Variants in DIP2C observed in about 807,000 individuals in gnomAD.
DIP2C encodes the protein DIP2 acetate--CoA ligase C (putative).
DIP2C carries 33 observed loss-of-function variants against 192.4 expected under a neutral mutation model. That is an observed-to-expected ratio of 0.17 (90% CI 0.13 to 0.23). The LOEUF (loss-of-function observed/expected upper bound fraction) is 0.23, where lower values mean the gene tolerates loss of function less well. Among genes scored for constraint, DIP2C ranks in the 10% least tolerant of loss-of-function variants. The pLI is 1.00. For synonymous variants in DIP2C, 979 were observed against 864.1 expected, an observed-to-expected ratio of 1.13 and a Z score of -2.33; for missense variants, 1,537 against 2,110.1, an observed-to-expected ratio of 0.73 and a Z score of 5.32.
intron 1 of DIP2C, among the ~76,000 whole-genome samples, chr10:574,661 C>T (rs953924924): frequency 2.0e-5 from 3 of 152,218 alleles, no homozygotes; most frequent in African/African-American, 7.2e-5. Flanking sequence ...CAGCACTAAC[C>T]TTCAGCTCCC....
intron 1 of DIP2C, among the ~76,000 whole-genome samples, chr10:504,156 A>G (rs533521275): frequency 4.1e-4 from 62 of 152,312 alleles, no homozygotes; most frequent in Middle Eastern, 6.8e-3. Context: ...AAAGAGCAAT[A>G]AAGAGTATTT....
rs866182017 is a variant in DIP2C, at chr10:344,406, G to C, written c.3453+403C>G. ...GGTGGGGCGGGGGCGGGGCGGGGGGGGGTTTGCACGGCACCTCGGCAAGGG... is the reference window on the plus strand; with the variant it reads ...GGTGGGGCGGGGGCGGGGCGGGGGGCGGTTTGCACGGCACCTCGGCAAGGG... On this transcript the variant is annotated intron_variant, in intron 28 of 36. Coordinates refer to ENST00000280886, the MANE Select transcript of DIP2C (RefSeq NM_014974.3). Among the ~76,000 whole-genome samples the C allele has an allele frequency of 3.3e-5, 5 of 151,754 alleles. No individual in the cohort carries two copies. The South Asian group carries it at 1.0e-3, about 32-fold the overall frequency.
intron 1 of DIP2C, among the ~76,000 whole-genome samples, chr10:657,159 G>T (rs937076502): frequency 6.3e-4 from 93 of 147,482 alleles, no homozygotes; most frequent in East Asian, 1.6e-3. Flanking sequence ...ACCTGACGCT[G>T]GACCTGATGC....
chr10:474,294 C>T (rs1211033520), intron 2 of DIP2C, among the ~76,000 whole-genome samples: 1 of 152,212 alleles, frequency 6.6e-6, no homozygotes, highest in African/African-American at 2.4e-5. Context: ...CAGTGTGCTA[C>T]AAATACCGTT....
chr10:311,150 A>C (rs1956548920), intron 31 of DIP2C, among the ~76,000 whole-genome samples: 1 of 152,136 alleles, frequency 6.6e-6, no homozygotes, highest in Non-Finnish European at 1.5e-5. Flanking sequence ...GGACGCTCCC[A>C]GTGACAGCTC....
intron 1 of DIP2C, among the ~76,000 whole-genome samples, chr10:506,092 C>A (rs1291090482): frequency 6.6e-6 from 1 of 152,138 alleles, no homozygotes; most frequent in East Asian, 1.9e-4. Context: ...TACTGTTATT[C>A]CCAGAACCAC....
intron 1 of DIP2C, among the ~76,000 whole-genome samples, chr10:588,381 T>G (rs1264064129): frequency 3.3e-5 from 5 of 152,236 alleles, no homozygotes; most frequent in African/African-American, 4.8e-5. Flanking sequence ...TCAAATCTTG[T>G]CATCAACTGT....
In DIP2C at chr10:497,259, A is replaced by G. The variant is rs115943790; in HGVS notation, c.86-10729T>C. 2.6e-3 allele frequency among the ~76,000 whole-genome samples: 398 copies of G among 152,352 alleles called. 1 individual carries two copies. Among genetic ancestry groups the G allele is most frequent in the African/African-American group, 9.0e-3 (375 of 41,580 alleles). On this transcript the variant is annotated intron_variant, in intron 1 of 36. Coordinates refer to ENST00000280886, the MANE Select transcript of DIP2C (RefSeq NM_014974.3). ...ACCCATGTTCAGAACAGGTTAGGCC[A>G]TTCTTTTCTTTCTGAATATTTTCAC...
intron 32 of DIP2C, among the ~76,000 whole-genome samples, chr10:294,713 C>T (rs1955664777): frequency 6.6e-6 from 1 of 151,588 alleles, no homozygotes; most frequent in South Asian, 2.1e-4. Context: ...TCACTTGCAT[C>T]GAATTAAAAA....
At chr10:466,119 C>T (rs1970179031) in intron 3 of DIP2C, among the ~76,000 whole-genome samples, 1 of 148,004 alleles carries the variant, frequency 6.8e-6, no homozygotes, top group Non-Finnish European at 1.5e-5. Flanking sequence ...GGAGGCATCA[C>T]ACTACCTGAC....
intron 1 of DIP2C, among the ~76,000 whole-genome samples, chr10:565,160 G>C (rs144031744): frequency 2.0e-5 from 3 of 152,014 alleles, no homozygotes; most frequent in Admixed American, 2.0e-4. Flanking sequence ...TCAGGGCCTC[G>C]AGTGAGCACA....
chr10:333,526 G>A (rs917055598), intron 29 of DIP2C, among the ~76,000 whole-genome samples: 3 of 152,220 alleles, frequency 2.0e-5, no homozygotes, highest in Non-Finnish European at 4.4e-5. Flanking sequence ...GACGTGGCAG[G>A]CGTCACCTGT....
rs1293712755 is a variant in DIP2C at position 689,072 on chromosome 10, G to A, written c.85+422C>T. On this transcript the variant is annotated intron_variant, in intron 1 of 36. Coordinates refer to ENST00000280886, the MANE Select transcript of DIP2C (RefSeq NM_014974.3). The surrounding 1 kb of genome is among the most constrained non-coding windows in gnomAD (Gnocchi z 6.1). Reference sequence around the variant, plus strand: ...AAGGACGCCGCGGCTCCAGCGCAGAGCGCACGGGAAGGCCGATCCCGCCGG... The same window carrying A: ...AAGGACGCCGCGGCTCCAGCGCAGAACGCACGGGAAGGCCGATCCCGCCGG... 2.0e-5 allele frequency among the ~76,000 whole-genome samples: 3 copies of A among 151,974 alleles called. No individual in the cohort carries two copies. Among genetic ancestry groups the A allele is most frequent in the Non-Finnish European group, 4.4e-5 (3 of 67,962 alleles).
chr10:498,652 T>C (rs1845022742), intron 1 of DIP2C, among the ~76,000 whole-genome samples: 1 of 152,130 alleles, frequency 6.6e-6, no homozygotes, highest in Non-Finnish European at 1.5e-5. Flanking sequence ...GAGAATATAA[T>C]TTTTCAATGA....
intron 1 of DIP2C, among the ~76,000 whole-genome samples, chr10:584,735 C>T (rs1376180875): frequency 8.6e-6 from 1 of 116,414 alleles, no homozygotes; most frequent in Non-Finnish European, 1.8e-5. Flanking sequence ...CACTCACGCG[C>T]ATCACCTCTC....
chr10:572,824 C>T (rs1849910210), intron 1 of DIP2C, among the ~76,000 whole-genome samples: 1 of 152,150 alleles, frequency 6.6e-6, no homozygotes, highest in African/African-American at 2.4e-5. Context: ...GTCTCCCTCC[C>T]CTCAAAGACC....
intron 32 of DIP2C, among the ~76,000 whole-genome samples, chr10:298,788 C>A (rs1955880453): frequency 6.6e-6 from 1 of 152,192 alleles, no homozygotes; most frequent in South Asian, 2.1e-4. Flanking sequence ...TCCAGACCCT[C>A]CCTGTCACTG....
At chr10:278,875 G>A (rs908380629) in intron 36 of DIP2C, among the ~76,000 whole-genome samples, 8 of 152,150 alleles carry the variant, frequency 5.3e-5, no homozygotes, top group African/African-American at 1.9e-4. Flanking sequence ...GAGGAGGCCA[G>A]AAGGTTCCCG....
At chr10:399,888 G>A (rs1964282623) in intron 9 of DIP2C, among the ~76,000 whole-genome samples, 1 of 152,194 alleles carries the variant, frequency 6.6e-6, no homozygotes, top group African/African-American at 2.4e-5. Context: ...CCCTGGCCCT[G>A]CAGCAGTCTT....
Sources: gnomAD v4.1 joint callset for allele counts (sites outside exome capture counted in the v4.1 genomes callset) on GRCh38, gnomAD v4.1.1 for gene constraint, Gnocchi (gnomAD v3.1) non-coding constraint, MANE v1.5 for transcripts, NCBI Gene and HGNC (gene_info 2026-07-23, HGNC 2026-07-21) for gene names.